Variants in ANKHD1 observed in about 807,000 individuals in gnomAD.
ANKHD1 encodes the protein ankyrin repeat and KH domain containing 1, also known as ankyrin repeat and KH domain-containing protein 1.
Under a neutral mutation model 230.5 loss-of-function variants are expected in ANKHD1, and 31 were observed. That is an observed-to-expected ratio of 0.13 (90% CI 0.10 to 0.18). ANKHD1 has a LOEUF of 0.18. Ranked by LOEUF, ANKHD1 falls within the 10% of genes least tolerant of loss-of-function variation. ANKHD1 has a pLI of 1.00. For synonymous variants in ANKHD1, 1,074 were observed against 1,117.6 expected, an observed-to-expected ratio of 0.96 and a Z score of 0.78; for missense variants, 2,256 against 3,071.3, an observed-to-expected ratio of 0.73 and a Z score of 6.27.
rs201909791 is a variant in ANKHD1 at position 140,436,204 on chromosome 5, G to A, written c.407G>A (p.Arg136His). Reference sequence around the variant, plus strand: ...AGTACTGCAGAAGGAGCAGACTTACGCACTGTGGATCCAGAGACACAGGCA... The same window carrying A: ...AGTACTGCAGAAGGAGCAGACTTACACACTGTGGATCCAGAGACACAGGCA... ...LSSTAEGADLRTVDPETQARL... is the reference protein window; with the variant it reads ...LSSTAEGADLHTVDPETQARL... The change falls in exon 2 of 34, where the codon CGC (arginine) becomes CAC (histidine). Residue 136 changes from arginine to histidine, a missense_variant. Physicochemically the swap from Arg to His is conservative, Grantham distance 29 (BLOSUM62 0). Coordinates refer to ENST00000360839, the MANE Select transcript of ANKHD1 (RefSeq NM_017747.3). 31 of 1,606,984 alleles carry A rather than the reference G, an allele frequency of 1.9e-5. No individual in the cohort carries two copies. The highest frequency in any genetic ancestry group is 3.4e-5 in the Admixed American group (2 of 58,806).
chr5:140,410,509 A>G (rs902976584), intron 1 of ANKHD1, among the ~76,000 whole-genome samples: 1 of 152,222 alleles, frequency 6.6e-6, no homozygotes, highest in Non-Finnish European at 1.5e-5. Flanking sequence ...TTAGCCTTGA[A>G]TTGGCAAGTA....
intron 30 of ANKHD1, chr5:140,535,923 A>G (rs1455110266): frequency 1.3e-5 from 2 of 151,134 alleles, no homozygotes; most frequent in African/African-American, 2.4e-5. Flanking sequence ...AAGTACCGCA[A>G]GTAGTTTTAC....
intron 10 of ANKHD1, among the ~76,000 whole-genome samples, chr5:140,479,387 A>T (rs969651538): frequency 6.6e-6 from 1 of 152,180 alleles, no homozygotes; most frequent in Non-Finnish European, 1.5e-5. Context: ...GTAGCCTTGG[A>T]AAATAATTTT....
intron 10 of ANKHD1, among the ~76,000 whole-genome samples, chr5:140,477,266 T>C (rs891373276): frequency 1.3e-5 from 2 of 152,174 alleles, no homozygotes; most frequent in African/African-American, 4.8e-5. Context: ...AATATAAAAC[T>C]GCAAAATTGC....
rs1386067060 is a variant in ANKHD1, at chr5:140,528,987, C to A, written c.6041C>A (p.Ser2014Tyr). The change falls in exon 29 of 34, where the codon TCT becomes TAT. Residue 2014 changes from serine (S) to tyrosine (Y), a missense_variant. Physicochemically the swap from Ser to Tyr is moderately radical, Grantham distance 144. Transcript: ENST00000360839. The part of the protein sequence containing the change: ...LPASTSQAQL[S>Y]SQKMESFSAV... ...GCAAGTACTTCTCAAGCACAGCTTT[C>A]TTCACAAAAGATGGAGTCTTTCTCT... The A allele has an allele frequency of 2.5e-6, 4 of 1,614,112 alleles. No individual in the cohort carries two copies.
intron 29 of ANKHD1, among the ~76,000 whole-genome samples, chr5:140,530,963 A>T (rs745907304): frequency 6.6e-6 from 1 of 152,248 alleles, no homozygotes; most frequent in Non-Finnish European, 1.5e-5. Context: ...CATAGCTGTT[A>T]TATTGTATTT....
chr5:140,437,103 A>G (rs1300163552), intron 2 of ANKHD1, among the ~76,000 whole-genome samples: 1 of 152,232 alleles, frequency 6.6e-6, no homozygotes, highest in Non-Finnish European at 1.5e-5. Context: ...CATGATTGTT[A>G]TAAATGAAGT....
At position 140,453,431 on chromosome 5, in the gene ANKHD1, A is replaced by T. The variant is rs1403706159; in HGVS notation, c.1242+4126A>T. ...AATTGTCAGATTCACCAACGTTGAA[A>T]TGAAGGAAAAAATGTTAAGGGCAGC... On this transcript the variant is annotated intron_variant, in intron 7 of 33. Coordinates refer to ENST00000360839, the MANE Select transcript of ANKHD1 (RefSeq NM_017747.3). 2.6e-5 allele frequency among the ~76,000 whole-genome samples: 4 copies of T among 152,204 alleles called. No individual in the cohort carries two copies. The East Asian group carries it at 7.7e-4, about 29-fold the overall frequency.
intron 1 of ANKHD1, among the ~76,000 whole-genome samples, chr5:140,425,394 G>A (rs2126882553): frequency 6.6e-6 from 1 of 152,230 alleles, no homozygotes; most frequent in South Asian, 2.1e-4. Context: ...CCAAGTAGCT[G>A]GGACTATAGG....
rs776694079 is a variant in ANKHD1, at chr5:140,538,078, C to G, written c.7229-8C>G. 2 of 1,590,272 alleles carry G rather than the reference C, an allele frequency of 1.3e-6. No homozygotes were observed. The highest frequency in any genetic ancestry group is 4.5e-5 in the East Asian group (2 of 44,408). The stretch of plus-strand genomic sequence containing the variant: ...ATTTAAAACTTTGTTTTCAATTATT[C>G]TTTCCAGAAGGCTTATCAGGTTGGT... On this transcript the variant is annotated splice_polypyrimidine_tract_variant and splice_region_variant and intron_variant, in intron 31 of 33. Coordinates refer to ENST00000360839, the MANE Select transcript of ANKHD1 (RefSeq NM_017747.3).
chr5:140,447,381 T>C (rs1052788442), intron 6 of ANKHD1, among the ~76,000 whole-genome samples: 1 of 152,074 alleles, frequency 6.6e-6, no homozygotes, highest in Non-Finnish European at 1.5e-5. Flanking sequence ...TTTATTTTTA[T>C]TTTTTTGTAG....
chr5:140,487,090 G>A (rs1751536993), intron 14 of ANKHD1, 30 bp downstream of exon 14: 1 of 1,594,184 alleles, frequency 6.3e-7, no homozygotes, highest in South Asian at 1.1e-5. Flanking sequence ...TTCTTAAAAT[G>A]GGTATTTTTT....
intron 29 of ANKHD1, among the ~76,000 whole-genome samples, chr5:140,532,507 C>T (rs970936847): frequency 2.6e-5 from 4 of 152,048 alleles, no homozygotes; most frequent in African/African-American, 9.7e-5. Context: ...GTGATCATGG[C>T]TCACTGCAGC....
At chr5:140,508,212 C>T (rs1284703345) in intron 20 of ANKHD1, among the ~76,000 whole-genome samples, 2 of 152,148 alleles carry the variant, frequency 1.3e-5, no homozygotes, top group African/African-American at 2.4e-5. Flanking sequence ...TAGTACTTTT[C>T]CCAACCTCAG....
chr5:140,500,424 C>T (rs567079922), intron 15 of ANKHD1, among the ~76,000 whole-genome samples: 30 of 151,768 alleles, frequency 2.0e-4, no homozygotes, highest in Middle Eastern at 6.8e-3. Flanking sequence ...AGGCAGGCGG[C>T]GGATCACTTG....
intron 14 of ANKHD1, among the ~76,000 whole-genome samples, chr5:140,491,156 A>AGT (rs1751774602): frequency 1.1e-5 from 1 of 94,956 alleles, no homozygotes; most frequent in Non-Finnish European, 2.0e-5. Context: ...ATATATATAT[A>AGT]TATATTTTTT....
chr5:140,402,521 G>A (rs1193089336), intron 1 of ANKHD1, among the ~76,000 whole-genome samples: 1 of 152,186 alleles, frequency 6.6e-6, no homozygotes, highest in African/African-American at 2.4e-5. Flanking sequence ...TGAGCTTCGC[G>A]CGGGAACAGG....
At chr5:140,422,236 C>T (rs984022000) in intron 1 of ANKHD1, among the ~76,000 whole-genome samples, 3 of 152,086 alleles carry the variant, frequency 2.0e-5, no homozygotes, top group Non-Finnish European at 4.4e-5. Context: ...AATTCTCCTA[C>T]CGCACCCTCC....
At chr5:140,489,285 A>G (rs1342457266) in intron 14 of ANKHD1, among the ~76,000 whole-genome samples, 1 of 151,998 alleles carries the variant, frequency 6.6e-6, no homozygotes, top group Non-Finnish European at 1.5e-5. Context: ...AGGCAGAATG[A>G]TCGATCAGCC....
Sources: allele counts gnomAD v4.1 joint callset (sites outside exome capture counted in the v4.1 genomes callset), GRCh38; gene constraint gnomAD v4.1.1; transcripts MANE v1.5; gene names NCBI Gene and HGNC (gene_info 2026-07-23, HGNC 2026-07-21).